The following DMD variants were observed in gnomAD, a reference collection of about 807,000 sequenced individuals.
The protein encoded by DMD is mutant dystrophin.
In DMD, 63 loss-of-function variants were observed where a neutral mutation model predicts 330.1. The ratio of observed to expected loss-of-function variants is 0.19; its 90% CI spans 0.16 to 0.24. DMD has a LOEUF of 0.24. Ranked by LOEUF, DMD falls within the 10% of genes least tolerant of loss-of-function variation. The pLI is 1.00. For synonymous variants in DMD, 1,223 were observed against 959.8 expected (o/e 1.27, Z -5.07); for missense variants, 3,344 against 2,684.1 (o/e 1.25, Z -5.43).
intron 1 of DMD, among the ~76,000 whole-genome samples, chrX:33,269,008 C>A (rs139361151): frequency 0.036 from 3,932 of 110,447 alleles, 173 homozygotes; most frequent in African/African-American, 0.12. Flanking sequence ...ATTATTTCAG[C>A]CCCCGTGGCA....
At chrX:32,984,629 G>C in intron 2 of DMD, among the ~76,000 whole-genome samples, 1 of 111,821 alleles carries the variant, frequency 8.9e-6, no homozygotes, top group Middle Eastern at 4.6e-3. Context: ...ATAGTTATGT[G>C]CTATAATATG....
At chrX:32,282,334 A>T (rs2097423592) in intron 43 of DMD, among the ~76,000 whole-genome samples, 1 of 111,969 alleles carries the variant, frequency 8.9e-6, no homozygotes, top group African/African-American at 3.2e-5. Context: ...TTGTTTTTAC[A>T]TGTTTCCTAT....
chrX:31,444,608 G>C lies in DMD; in HGVS notation c.8957C>G (p.Ala2986Gly). 1 of 1,211,282 alleles carries C rather than the reference G, an allele frequency of 8.3e-7. No individual in the cohort carries two copies. The highest frequency in any genetic ancestry group is 1.1e-6 in the Non-Finnish European group (1 of 895,300). The change falls in exon 60 of 79, where the codon GCG (alanine) becomes GGG (glycine). Residue 2986 changes from alanine to glycine, a missense_variant. By Grantham distance (60) the Ala-to-Gly change is moderately conservative. Coordinates refer to ENST00000357033, the MANE Select transcript of DMD (RefSeq NM_004006.3). ...GTGGCTCACGTTCTCTTTCAGAGGC[G>C]CAATTTCTCCTCGAAGTGCCTGTGT... is the stretch of plus-strand genomic sequence containing the variant. ...EKVKALRGEI[A>G]PLKENVSHVN...
chrX:33,052,077 T>A (rs976624070), intron 1 of DMD, among the ~76,000 whole-genome samples: 1 of 111,926 alleles, frequency 8.9e-6, no homozygotes, highest in Non-Finnish European at 1.9e-5. Flanking sequence ...CTTATTTGAA[T>A]GCAAAACACT....
At chrX:31,633,419 A>C (rs1021100385) in intron 54 of DMD, among the ~76,000 whole-genome samples, 2 of 111,822 alleles carry the variant, frequency 1.8e-5, no homozygotes, top group Admixed American at 1.9e-4. Flanking sequence ...ATCTAATTCA[A>C]TAATTCATCC....
At chrX:32,309,777 TC>T (rs2097554778) in intron 42 of DMD, among the ~76,000 whole-genome samples, 1 of 111,487 alleles carries the variant, frequency 9.0e-6, no homozygotes, top group Admixed American at 9.5e-5. Context: ...AATAAACTGT[TC>T]TTCCATCAAA....
rs2146989560 is a variant in DMD, at chrX:32,343,137, T to A, written c.5736A>T (p.Ile1912=). The A allele has an allele frequency of 1.7e-6, 2 of 1,210,238 alleles. No individual in the cohort carries two copies. The highest frequency in any genetic ancestry group is 2.2e-6 in the Non-Finnish European group (2 of 894,413). The stretch of plus-strand genomic sequence containing the variant: ...TGACATTCTAAAACAACATTACCTT[T>A]ATTTTCCTTTCATCTCTGGGCTCAG... ...SLPEPRDERK[I]KEIDRELQKK... The change falls in exon 40 of 79, where the codon ATA becomes ATT. Residue 1912 remains isoleucine, a synonymous_variant. Coordinates refer to ENST00000357033, the MANE Select transcript of DMD (RefSeq NM_004006.3).
At chrX:33,113,909 T>C (rs2148448055) in intron 1 of DMD, among the ~76,000 whole-genome samples, 1 of 110,687 alleles carries the variant, frequency 9.0e-6, no homozygotes, top group East Asian at 2.8e-4. Flanking sequence ...AGATGAATAA[T>C]TCGTCAATAG....
intron 2 of DMD, among the ~76,000 whole-genome samples, chrX:32,915,067 G>A (rs934489061): frequency 9.0e-6 from 1 of 111,457 alleles, no homozygotes; most frequent in Non-Finnish European, 1.9e-5. Flanking sequence ...AACAAATATT[G>A]TTGAAACATA....
intron 44 of DMD, among the ~76,000 whole-genome samples, chrX:31,996,788 G>C (rs1479632333): frequency 9.0e-6 from 1 of 110,963 alleles, no homozygotes; most frequent in Non-Finnish European, 1.9e-5. Flanking sequence ...ATTAATTAGT[G>C]AGTGAGTGAA....
chrX:32,993,995 A>T (rs774559602), intron 2 of DMD, among the ~76,000 whole-genome samples: 2 of 111,049 alleles, frequency 1.8e-5, no homozygotes, highest in South Asian at 7.8e-4. Context: ...AAGAGTGGAC[A>T]ACCTGGCAGA....
At chrX:31,475,813 T>G (rs1766083446) in intron 59 of DMD, among the ~76,000 whole-genome samples, 1 of 111,666 alleles carries the variant, frequency 9.0e-6, no homozygotes, top group Non-Finnish European at 1.9e-5. Context: ...ACCTACTATT[T>G]TAATGAAGAG....
chrX:32,806,511 A>G (rs2076957805), intron 7 of DMD, among the ~76,000 whole-genome samples: 1 of 110,812 alleles, frequency 9.0e-6, no homozygotes, highest in African/African-American at 3.3e-5. Context: ...AGACTTTAAC[A>G]CCCCACTGCC....
chrX:32,407,525 G>A lies in DMD; in HGVS notation c.4233+4227C>T, dbSNP rs778219399. Reference sequence around the variant, plus strand: ...TAGGAACACTTTTACACTGTTGGTGGGACTGTAAACTAGTTCAACCATTGT... The same window carrying A: ...TAGGAACACTTTTACACTGTTGGTGAGACTGTAAACTAGTTCAACCATTGT... On this transcript the variant is annotated intron_variant, in intron 30 of 78. Coordinates refer to ENST00000357033, the MANE Select transcript of DMD (RefSeq NM_004006.3). Among the ~76,000 whole-genome samples the A allele has an allele frequency of 4.5e-5, 5 of 110,928 alleles. No individual in the cohort carries two copies. In the South Asian group the frequency reaches 1.9e-3, roughly 43 times the overall value.
intron 44 of DMD, among the ~76,000 whole-genome samples, chrX:32,185,959 A>C (rs774026541): frequency 1.8e-5 from 2 of 110,774 alleles, no homozygotes; most frequent in Admixed American, 9.7e-5. Context: ...GGAGATCTTA[A>C]AAATGAATGA....
chrX:32,798,746 C>T (rs969511962), intron 7 of DMD, among the ~76,000 whole-genome samples: 6 of 111,341 alleles, frequency 5.4e-5, no homozygotes, highest in Admixed American at 9.6e-5. Context: ...ATATTGCAAT[C>T]GCATTAGATT....
chrX:32,967,963 C>A (rs1024347162), intron 2 of DMD, among the ~76,000 whole-genome samples: 1 of 111,762 alleles, frequency 8.9e-6, no homozygotes, highest in African/African-American at 3.3e-5. Flanking sequence ...CTTATTGTTT[C>A]ATTCTTCACA....
chrX:32,517,955 GT>G (rs2046024586), intron 18 of DMD, 52 bp downstream of exon 18: 2 of 1,173,696 alleles, frequency 1.7e-6, no homozygotes, highest in East Asian at 5.9e-5. Flanking sequence ...AAAGCACGGA[GT>G]TTACAAGCAG....
intron 60 of DMD, among the ~76,000 whole-genome samples, chrX:31,424,620 A>G (rs1198033541): frequency 8.9e-6 from 1 of 112,492 alleles, no homozygotes; most frequent in Non-Finnish European, 1.9e-5. Context: ...GTAGTCAAAA[A>G]AGAAATAATA....
Sources: gnomAD v4.1 joint callset for allele counts (sites outside exome capture counted in the v4.1 genomes callset) on GRCh38, gnomAD v4.1.1 for gene constraint, MANE v1.5 for transcripts, NCBI Gene and HGNC (gene_info 2026-07-23, HGNC 2026-07-21) for gene names.